Variants in PI4KB observed in about 807,000 individuals in gnomAD.
PI4KB encodes the protein phosphatidylinositol 4-kinase beta.
Under a neutral mutation model 81.4 loss-of-function variants are expected in PI4KB, and 23 were observed. That is an observed-to-expected ratio of 0.28 (90% CI 0.20 to 0.40). PI4KB has a LOEUF of 0.40. PI4KB is among the 10% of genes least tolerant of loss of function. The probability of loss-of-function intolerance (pLI) is 1.00; values close to 1 mark genes in which losing one functional copy is unlikely to be tolerated. For synonymous variants in PI4KB, 381 were observed against 406.8 expected (o/e 0.94, Z 0.76); for missense variants, 651 against 1,036.6 (o/e 0.63, Z 5.11).
intron 1 of PI4KB, among the ~76,000 whole-genome samples, chr1:151,323,757 C>A (rs1649200082): frequency 6.6e-6 from 1 of 151,582 alleles, no homozygotes; most frequent in Non-Finnish European, 1.5e-5. Flanking sequence ...CAAAAACAAA[C>A]AAAAAAACAA....
chr1:151,326,483 G>A, intron 1 of PI4KB: 1 of 386,468 alleles, frequency 2.6e-6, no homozygotes, highest in Non-Finnish European at 4.6e-6. Context: ...AAACTCGAGG[G>A]AGGTGTCAAA....
chr1:151,316,260 T>C lies in PI4KB; in HGVS notation c.222A>G (p.Pro74=), dbSNP rs113301466. The change falls in exon 2 of 12, where the codon CCA becomes CCG. Residue 74 remains proline (P), a synonymous_variant. Transcript: ENST00000368873. ...CACCATCCCCATTGACCAACTCCAG[T>C]GGGGTGCCTCTGCTAGAGACTGCCA... ...GGVAVSSRGT[P]LELVNGDGVD... The C allele has an allele frequency of 2.4e-5, 38 of 1,614,182 alleles. 1 individual carries two copies. In the African/African-American group the frequency reaches 3.5e-4, roughly 15 times the overall value.
At chr1:151,322,867 A>T (rs1231913092) in intron 1 of PI4KB, among the ~76,000 whole-genome samples, 1 of 152,116 alleles carries the variant, frequency 6.6e-6, no homozygotes, top group Non-Finnish European at 1.5e-5. Context: ...TCCTGGCCTC[A>T]AGCTACCCTC....
chr1:151,310,288 A>C, intron 2 of PI4KB, 33 bp from the exon 3 acceptor site: 1 of 569,172 alleles, frequency 1.8e-6, no homozygotes, highest in Non-Finnish European at 3.2e-6. Flanking sequence ...AGGGAGAAGG[A>C]GGGGGTGGGA....
chr1:151,321,263 T>C (rs1212514446), intron 1 of PI4KB, among the ~76,000 whole-genome samples: 2 of 152,200 alleles, frequency 1.3e-5, no homozygotes, highest in African/African-American at 4.8e-5. Flanking sequence ...CTGGGTCTCT[T>C]CCCTGGCCTC....
chr1:151,298,668 C>T, intron 9 of PI4KB, 140 bp downstream of exon 9: 1 of 918,130 alleles, frequency 1.1e-6, no homozygotes, highest in Non-Finnish European at 1.7e-6. Flanking sequence ...CATGGGAACA[C>T]ATCTGTCTCT....
At chr1:151,320,525 T>C (rs191044260) in intron 1 of PI4KB, among the ~76,000 whole-genome samples, 40 of 152,312 alleles carry the variant, frequency 2.6e-4, no homozygotes, top group African/African-American at 8.7e-4. Context: ...CTGATGCAGA[T>C]TGAGCTTGGT....
At chr1:151,323,618 G>A (rs529993215) in intron 1 of PI4KB, among the ~76,000 whole-genome samples, 3 of 152,076 alleles carry the variant, frequency 2.0e-5, no homozygotes, top group Admixed American at 6.5e-5. Flanking sequence ...CCAGCTACTC[G>A]GGAGGCTGAG....
At chr1:151,308,215 T>C (rs1165008513) in intron 3 of PI4KB, among the ~76,000 whole-genome samples, 5 of 152,170 alleles carry the variant, frequency 3.3e-5, no homozygotes. Context: ...CTTCTCCCCA[T>C]CTGGATCCTT....
Position 151,298,827 on chromosome 1 carries a change from G to A in PI4KB, c.1996C>T (p.Leu666=). The change falls in exon 9 of 12, where the codon CTG becomes TTG. Residue 666 remains leucine, a synonymous_variant. Coordinates refer to ENST00000368873, the MANE Select transcript of PI4KB (RefSeq NM_001369623.2). The part of the protein sequence containing the change: ...SCAGYCLVCY[L]LQVKDRHNGN... ...ACCTACCTGTCCTTGACTTGCAGCA[G>A]GTAGCAGACCAAGCAGTACCCAGCA... 1 of 1,613,192 alleles carries A rather than the reference G, an allele frequency of 6.2e-7. No individual in the cohort carries two copies. Among genetic ancestry groups the A allele is most frequent in the South Asian group, 1.1e-5 (1 of 91,066 alleles).
intron 1 of PI4KB, chr1:151,326,118 G>C: frequency 6.5e-7 from 1 of 1,541,090 alleles, no homozygotes; most frequent in African/African-American, 1.4e-5. Context: ...ACTCTATTCT[G>C]TGATTCCTTT....
intron 6 of PI4KB, among the ~76,000 whole-genome samples, chr1:151,302,679 G>A (rs1022502039): frequency 2.7e-5 from 4 of 149,632 alleles, no homozygotes; most frequent in African/African-American, 4.9e-5. Context: ...CTGGGTCCAC[G>A]CCATTCTCCT....
chr1:151,300,181 A>C (rs1695142198), intron 8 of PI4KB, among the ~76,000 whole-genome samples: 1 of 152,234 alleles, frequency 6.6e-6, no homozygotes, highest in African/African-American at 2.4e-5. Context: ...CTATTTCTTG[A>C]AAAAATCTCA....
intron 8 of PI4KB, among the ~76,000 whole-genome samples, chr1:151,299,920 T>C (rs1695119220): frequency 6.6e-6 from 1 of 152,206 alleles, no homozygotes; most frequent in Non-Finnish European, 1.5e-5. Context: ...ATTATTATTA[T>C]TTAAAAATTT....
intron 6 of PI4KB, 161 bp downstream of exon 6, chr1:151,303,380 C>T (rs1695471418): frequency 3.0e-6 from 2 of 662,684 alleles, no homozygotes; most frequent in Admixed American, 4.5e-5. Context: ...TCAACCTACA[C>T]CTTCATTGCC....
chr1:151,321,552 CTTCA>C (rs1477853380), intron 1 of PI4KB, among the ~76,000 whole-genome samples: 2 of 151,498 alleles, frequency 1.3e-5, no homozygotes, highest in Non-Finnish European at 2.9e-5. Context: ...GCCCAGCTTG[CTTCA>C]TTTAGTTTTG....
At chr1:151,304,339 G>A (rs1254344560) in intron 5 of PI4KB, among the ~76,000 whole-genome samples, 3 of 110,770 alleles carry the variant, frequency 2.7e-5, no homozygotes, top group Admixed American at 1.9e-4. Flanking sequence ...AAACCTGGCT[G>A]TGTGTTTTTT....
intron 2 of PI4KB, among the ~76,000 whole-genome samples, chr1:151,313,705 GT>G (rs1262498762): frequency 6.6e-6 from 1 of 152,214 alleles, no homozygotes; most frequent in Admixed American, 6.5e-5. Context: ...TATGAAAACG[GT>G]TCATTCTAGT....
At chr1:151,298,463 T>C (rs1341335160) in intron 9 of PI4KB, 2 of 273,682 alleles carry the variant, frequency 7.3e-6, no homozygotes, top group African/African-American at 4.4e-5. Flanking sequence ...TCCACTGCCA[T>C]GCAGTGCAGT....
Sources: allele counts gnomAD v4.1 joint callset (sites outside exome capture counted in the v4.1 genomes callset), GRCh38; gene constraint gnomAD v4.1.1; transcripts MANE v1.5; gene names NCBI Gene and HGNC (gene_info 2026-07-23, HGNC 2026-07-21).